XBP1: variants seen among roughly 807,000 people sequenced by gnomAD.
The protein encoded by XBP1 is X-box binding protein 1.
Under a neutral mutation model 34.6 loss-of-function variants are expected in XBP1, and 18 were observed. The ratio of observed to expected loss-of-function variants is 0.52; its 90% confidence interval spans 0.36 to 0.77. XBP1 has a LOEUF of 0.77. XBP1 is among the 30% of genes least tolerant of loss of function. The pLI, the probability that XBP1 is intolerant of heterozygous loss-of-function variation, is 0.00. For synonymous variants in XBP1, 191 were observed against 193.4 expected, an observed-to-expected ratio of 0.99 and a Z score of 0.11; for missense variants, 422 against 464.6, an observed-to-expected ratio of 0.91 and a Z score of 0.84.
At position 28,799,160 on chromosome 22, in the gene XBP1, A is replaced by G. The variant is rs750541879; in HGVS notation, c.228-7T>C. 10 of 1,611,690 alleles carry G rather than the reference A, an allele frequency of 6.2e-6. No homozygotes were observed. In the African/African-American group the frequency reaches 1.1e-4, roughly 17 times the overall value. On this transcript the variant is annotated splice_region_variant and splice_polypyrimidine_tract_variant and intron_variant, in intron 1 of 5. Coordinates refer to ENST00000344347, the Ensembl canonical transcript of XBP1. ...TACTCTGTTTTTCAGTTTCCTAGGA[A>G]GAGAAGGAACATACCACACTGAGTC...
chr22:28,800,557 G>C (rs1387465858), upstream of XBP1: 5 of 1,467,128 alleles, frequency 3.4e-6, no homozygotes, highest in African/African-American at 7.5e-5. Context: ...ACCGCGCGCC[G>C]CAGCCGCCCA....
downstream of XBP1, chr22:28,795,134 T>C: frequency 1.4e-6 from 2 of 1,461,280 alleles, no homozygotes; most frequent in South Asian, 1.5e-5. Context: ...CTCCAGGCAG[T>C]GTAATAGTCA....
At chr22:28,798,658 G>A (rs2031796250) in intron 2 of XBP1, among the ~76,000 whole-genome samples, 1 of 150,072 alleles carries the variant, frequency 6.7e-6, no homozygotes, top group South Asian at 2.1e-4. Context: ...TGCCCAGGCT[G>A]GAGTGCAGTG....
chr22:28,795,073 ACT>A, downstream of XBP1: 2 of 1,129,972 alleles, frequency 1.8e-6, no homozygotes, highest in Non-Finnish European at 2.5e-6. Flanking sequence ...AGGACTGTAT[ACT>A]CTCTATTTTG....
At chr22:28,795,928 A>T in intron 5 of XBP1, 119 bp downstream of exon 5, 1 of 1,385,086 alleles carries the variant, frequency 7.2e-7, no homozygotes, top group Non-Finnish European at 1.0e-6. Flanking sequence ...GTTGATGTTC[A>T]CCTCCAACCC....
exon 6 of XBP1, chr22:28,795,511 G>T: frequency 6.2e-7 from 1 of 1,614,226 alleles, no homozygotes; most frequent in Non-Finnish European, 8.5e-7. Context: ...GTATCTCTAA[G>T]ACTAGGGGCT....
intron 2 of XBP1, among the ~76,000 whole-genome samples, chr22:28,797,492 C>T (rs1020867078): frequency 5.9e-5 from 9 of 151,800 alleles, no homozygotes; most frequent in Non-Finnish European, 1.2e-4. Context: ...TTTTTTTAAA[C>T]TATCTTGGCC....
chr22:28,799,280 C>T (rs1460210698), intron 1 of XBP1, 127 bp from the exon 2 acceptor site: 5 of 637,028 alleles, frequency 7.8e-6, no homozygotes, highest in East Asian at 2.8e-5. Context: ...ATAAAATACA[C>T]TTCAGGCTCC....
chr22:28,795,745 AAAATT>A lies in XBP1; in HGVS notation c.574-18_574-14del. 6.6e-7 allele frequency: 1 copy of A among 1,522,888 alleles called. No homozygotes were observed. Among genetic ancestry groups the A allele is most frequent in the Non-Finnish European group, 8.8e-7 (1 of 1,137,954 alleles). 94.3% of individuals were successfully genotyped at this position (1,522,888 alleles called of 1,614,324 possible). A position where few individuals can be genotyped will look rare whatever the true frequency, so the allele number is the denominator to read the frequency against. ...ACAGGATATCAGACTGTAAGAGGCA[AAAATT>A]AAATGAAGTACAACTGTCAGAATAC... is the stretch of plus-strand genomic sequence containing the variant. On this transcript the variant is annotated splice_polypyrimidine_tract_variant and intron_variant, in intron 5 of 5. Transcript: ENST00000344347.
At chr22:28,796,897 A>C (rs913668344) in intron 3 of XBP1, 180 bp downstream of exon 3, 1 of 648,100 alleles carries the variant, frequency 1.5e-6, no homozygotes, top group Non-Finnish European at 2.5e-6. Context: ...TACACACTTA[A>C]AAAATGAGTG....
At chr22:28,797,452 T>C (rs1245659585) in intron 2 of XBP1, among the ~76,000 whole-genome samples, 1 of 152,016 alleles carries the variant, frequency 6.6e-6, no homozygotes, top group Non-Finnish European at 1.5e-5. Flanking sequence ...CAGCAAAGGG[T>C]GACTTGTGGC....
chr22:28,800,328 T>C, exon 1 of XBP1: 1 of 1,552,212 alleles, frequency 6.4e-7, no homozygotes, highest in Non-Finnish European at 8.7e-7. Flanking sequence ...GGGGCTCAGG[T>C]GCGTGAGGCG....
At chr22:28,797,323 T>C (rs1400843263) in intron 2 of XBP1, 118 bp from the exon 3 acceptor site, 2 of 1,232,848 alleles carry the variant, frequency 1.6e-6, no homozygotes, top group African/African-American at 1.5e-5. Context: ...TCTATGCTTG[T>C]GGTGTTCATA....
chr22:28,795,430 A>G (rs1176597112), exon 6 of XBP1: 8 of 1,587,886 alleles, frequency 5.0e-6, no homozygotes, highest in Non-Finnish European at 5.1e-6. Flanking sequence ...CAGGGTGATC[A>G]TTCTCTGAGG....
At chr22:28,800,205 G>C (rs1158216035) in intron 1 of XBP1, 93 bp downstream of exon 1, 2 of 1,400,372 alleles carry the variant, frequency 1.4e-6, no homozygotes, top group Non-Finnish European at 2.0e-6. Flanking sequence ...CTGCGGGGCG[G>C]CCAGTGCTGG....
exon 6 of XBP1, chr22:28,795,261 T>C (rs2031724596): frequency 6.4e-7 from 1 of 1,551,662 alleles, no homozygotes; most frequent in Non-Finnish European, 8.7e-7. Context: ...GACATGTCAC[T>C]GAATGGGGAA....
intron 3 of XBP1, 116 bp from the exon 4 acceptor site, chr22:28,796,308 T>A: frequency 1.0e-6 from 1 of 997,594 alleles, no homozygotes; most frequent in Non-Finnish European, 1.4e-6. Flanking sequence ...TAGGGTTAAA[T>A]TGCTATAGAA....
chr22:28,799,897 G>A (rs2031834705), intron 1 of XBP1: 1 of 756,436 alleles, frequency 1.3e-6, no homozygotes, highest in Non-Finnish European at 2.5e-6. Context: ...CCTTTCAACA[G>A]CTCTGTTATT....
chr22:28,797,180 T>C lies in XBP1; in HGVS notation c.350A>G (p.Gln117Arg), dbSNP rs773938947. 17 of 1,613,062 alleles carry C rather than the reference T, an allele frequency of 1.1e-5. No homozygotes were observed. In the East Asian group the frequency reaches 3.8e-4, roughly 36 times the overall value. The change falls in exon 3 of 6, where the codon CAG becomes CGG. Residue 117 changes from glutamine (Q) to arginine (R), a missense_variant. Transcript: ENST00000344347. ...GCCATGAGTTTTCTCTCGTAAAAGC[T>C]GATTTTCTAGCAAAAGTTTTTGGTT...
Sources: gnomAD v4.1 joint callset for allele counts (sites outside exome capture counted in the v4.1 genomes callset) on GRCh38, gnomAD v4.1.1 for gene constraint, MANE v1.5 for transcripts, NCBI Gene and HGNC (gene_info 2026-07-23, HGNC 2026-07-21) for gene names.